Variants in EPN2 observed in about 807,000 individuals in gnomAD.
EPN2 encodes epsin-2.
In EPN2, 34 loss-of-function variants were observed where a neutral mutation model predicts 61.7. The observed-to-expected ratio is 0.55, with a 90% CI of 0.42 to 0.73. The LOEUF is 0.73. Among genes scored for constraint, EPN2 ranks in the 30% least tolerant of loss-of-function variants. EPN2 has a pLI of 0.00. For synonymous variants in EPN2, 349 were observed against 353.6 expected (o/e 0.99, Z 0.15); for missense variants, 714 against 839.2 (o/e 0.85, Z 1.84).
chr17:19,324,976 A>G (rs888180411), intron 7 of EPN2, among the ~76,000 whole-genome samples: 8 of 152,206 alleles, frequency 5.3e-5, no homozygotes, highest in Admixed American at 3.9e-4. Flanking sequence ...TGACTCTTTG[A>G]TCAGCTCTGT....
rs372962496 is a variant in EPN2, at chr17:19,331,881, A to G, written c.1440A>G (p.Gln480=). Reference sequence around the variant, plus strand: ...AATCTGTGACCTCTCTGCCATCCCAAAACAATGGAACTACCAGCCCTGACC... The same window carrying G: ...AATCTGTGACCTCTCTGCCATCCCAGAACAATGGAACTACCAGCCCTGACC... ...TAESVTSLPS[Q]NNGTTSPDPF... The change falls in exon 10 of 11, where the codon CAA becomes CAG. Residue 480 remains glutamine (Q), a synonymous_variant. Transcript: ENST00000314728. 4.3e-5 allele frequency: 70 copies of G among 1,613,874 alleles called. No individual in the cohort carries two copies. The Admixed American group carries it at 1.2e-3, about 27-fold the overall frequency.
intron 1 of EPN2, among the ~76,000 whole-genome samples, chr17:19,270,592 G>A (rs562917623): frequency 2.0e-5 from 3 of 152,272 alleles, no homozygotes; most frequent in South Asian, 2.1e-4. Flanking sequence ...TTTGCCAGTC[G>A]TACTCTTACC....
intron 4 of EPN2, among the ~76,000 whole-genome samples, chr17:19,305,329 G>C (rs9901051): frequency 9.1e-4 from 138 of 152,172 alleles, no homozygotes; most frequent in African/African-American, 3.3e-3. Context: ...GCCCTCGTTG[G>C]CCAGGCTGAT....
intron 2 of EPN2, 49 bp downstream of exon 2, chr17:19,282,126 G>T (rs2045364638): frequency 6.6e-6 from 1 of 152,166 alleles, no homozygotes; most frequent in South Asian, 2.1e-4. Context: ...GATGTGTTTG[G>T]TTGGAGCGAG....
chr17:19,243,741 G>A (rs2044913468), intron 1 of EPN2, among the ~76,000 whole-genome samples: 2 of 152,040 alleles, frequency 1.3e-5, no homozygotes, highest in South Asian at 4.1e-4. Context: ...GTTTTACCAC[G>A]TTGGCCAGAC....
intron 10 of EPN2, among the ~76,000 whole-genome samples, chr17:19,332,707 C>T (rs540143066): frequency 6.6e-6 from 1 of 152,338 alleles, no homozygotes; most frequent in South Asian, 2.1e-4. Flanking sequence ...CTGTTACACA[C>T]TCAGTTTCCC....
chr17:19,262,383 C>T (rs538525671), intron 1 of EPN2, among the ~76,000 whole-genome samples: 19 of 152,280 alleles, frequency 1.2e-4, no homozygotes, highest in African/African-American at 4.6e-4. Context: ...GAGGCTGAGG[C>T]AGGAGAATCG....
chr17:19,313,524 C>G, intron 7 of EPN2: 2 of 413,304 alleles, frequency 4.8e-6, no homozygotes, highest in Non-Finnish European at 8.6e-6. Context: ...CTCCCCTCAA[C>G]CTCCCATTTG....
At chr17:19,323,373 G>T (rs1169303935) in intron 7 of EPN2, among the ~76,000 whole-genome samples, 2 of 152,182 alleles carry the variant, frequency 1.3e-5, no homozygotes, top group Non-Finnish European at 2.9e-5. Context: ...TATCTGTTTG[G>T]AGTTTCAGAA....
intron 7 of EPN2, among the ~76,000 whole-genome samples, chr17:19,327,369 A>C (rs1020459475): frequency 6.6e-6 from 1 of 152,182 alleles, no homozygotes. Context: ...GCTTCTATTC[A>C]TATAAAGTTC....
chr17:19,278,932 C>T lies in EPN2; in HGVS notation c.-293-3023C>T, dbSNP rs567713560. Among the ~76,000 whole-genome samples the T allele has an allele frequency of 6.4e-4, 97 of 152,316 alleles. 1 individual carries two copies. The highest frequency in any genetic ancestry group is 1.0e-3 in the Non-Finnish European group (71 of 68,026). On this transcript the variant is annotated intron_variant, in intron 1 of 10. Transcript: ENST00000314728. ...GATTACAGTCATGAACCACCGTGCCCGGCCCCTAGTGAGGATTTCTTAGTG... is the reference window on the plus strand; with the variant it reads ...GATTACAGTCATGAACCACCGTGCCTGGCCCCTAGTGAGGATTTCTTAGTG...
chr17:19,322,509 G>A (rs1035225276), intron 7 of EPN2, among the ~76,000 whole-genome samples: 1 of 151,988 alleles, frequency 6.6e-6, no homozygotes, highest in East Asian at 1.9e-4. Flanking sequence ...ATATTTTTAC[G>A]TAAGAATTTG....
At position 19,315,453 on chromosome 17, in the gene EPN2, A is replaced by G. The variant is rs117222029; in HGVS notation, c.1147+2174A>G. On this transcript the variant is annotated intron_variant, in intron 7 of 10. Coordinates refer to ENST00000314728, the MANE Select transcript of EPN2 (RefSeq NM_014964.5). ...CTGCCCATGTGAATCTGCCCTCCCA[A>G]ATTTTAAGAACTTGAGATAAAATTC... 6.6e-3 allele frequency among the ~76,000 whole-genome samples: 1,004 copies of G among 152,224 alleles called. 53 individuals are homozygous for G. In the East Asian group the frequency reaches 0.12, roughly 18 times the overall value.
chr17:19,265,443 C>T (rs941121565), intron 1 of EPN2, among the ~76,000 whole-genome samples: 5 of 151,756 alleles, frequency 3.3e-5, no homozygotes, highest in East Asian at 1.9e-4. Flanking sequence ...CTGAACTATT[C>T]GTTGGTGGTC....
intron 1 of EPN2, among the ~76,000 whole-genome samples, chr17:19,238,052 C>T (rs1440151987): frequency 6.6e-6 from 1 of 152,184 alleles, no homozygotes; most frequent in Non-Finnish European, 1.5e-5. Context: ...GGATCCCGCC[C>T]GTCTCACCTT....
chr17:19,266,673 A>G (rs2045201996), intron 1 of EPN2, among the ~76,000 whole-genome samples: 1 of 151,522 alleles, frequency 6.6e-6, no homozygotes, highest in African/African-American at 2.4e-5. Context: ...AAGTGCTGGG[A>G]TTACAGGCAT....
At chr17:19,258,208 A>G (rs1447122409) in intron 1 of EPN2, among the ~76,000 whole-genome samples, 3 of 152,154 alleles carry the variant, frequency 2.0e-5, no homozygotes, top group Non-Finnish European at 4.4e-5. Context: ...CTGGTGAGGA[A>G]GATGATTTCA....
Position 19,334,334 on chromosome 17 carries a change from A to G in EPN2, c.*80A>G. The G allele has an allele frequency of 1.6e-6, 2 of 1,246,880 alleles. No individual in the cohort carries two copies. Among genetic ancestry groups the G allele is most frequent in the Non-Finnish European group, 2.1e-6 (2 of 951,072 alleles). The allele number at this position is 1,246,880 out of a possible 1,614,324, so 77.2% of individuals were successfully genotyped here. Reference sequence around the variant, plus strand: ...ACTCTCGTCTGTGGGACGGGATCCAAGAGTTTGGGGATTAGGGGTATTAGG... The same window carrying G: ...ACTCTCGTCTGTGGGACGGGATCCAGGAGTTTGGGGATTAGGGGTATTAGG... On this transcript the variant is annotated 3_prime_UTR_variant, in exon 11 of 11. Coordinates refer to ENST00000314728, the MANE Select transcript of EPN2 (RefSeq NM_014964.5). This position sits in a 1 kb window ranked among gnomAD's most constrained non-coding sequence, Gnocchi z 4.9.
chr17:19,293,534 CTTTTTTTTTTTT>C, intron 4 of EPN2, among the ~76,000 whole-genome samples: 1 of 52,454 alleles, frequency 1.9e-5, no homozygotes, highest in South Asian at 7.4e-4. Context: ...CCATACCCAG[CTTTTTTTTTTTT>C]TTTTTTTTTT....
Sources: allele counts gnomAD v4.1 joint callset (sites outside exome capture counted in the v4.1 genomes callset), GRCh38; gene constraint gnomAD v4.1.1; non-coding constraint Gnocchi (gnomAD v3.1); transcripts MANE v1.5; gene names NCBI Gene and HGNC (gene_info 2026-07-23, HGNC 2026-07-21).